Variants in OCIAD1 observed in about 807,000 individuals in gnomAD.
OCIAD1 encodes the protein OCIA domain-containing protein 1.
Under a neutral mutation model 38.9 loss-of-function variants are expected in OCIAD1, and 29 were observed. The ratio of observed to expected loss-of-function variants is 0.74; its 90% confidence interval spans 0.55 to 1.02. The LOEUF (loss-of-function observed/expected upper bound fraction) is 1.02. Among genes scored for constraint, OCIAD1 ranks in the 50% least tolerant of loss-of-function variants. The probability of loss-of-function intolerance (pLI) is 0.00; values close to 1 mark genes in which losing one functional copy is unlikely to be tolerated. For missense variants in OCIAD1, 288 were observed against 289.6 expected, an observed-to-expected ratio of 0.99 and a Z score of 0.04; for synonymous variants, 110 against 92.0, an observed-to-expected ratio of 1.20 and a Z score of -1.12.
intron 3 of OCIAD1, among the ~76,000 whole-genome samples, chr4:48,838,192 C>T (rs1303839324): frequency 1.3e-5 from 2 of 152,012 alleles, no homozygotes; most frequent in Non-Finnish European, 2.9e-5. Flanking sequence ...GTGGCAGGTG[C>T]CTGTAATTCC....
At chr4:48,821,792 C>T (rs1251371712) in intron 1 of OCIAD1, among the ~76,000 whole-genome samples, 1 of 152,164 alleles carries the variant, frequency 6.6e-6, no homozygotes, top group African/African-American at 2.4e-5. Context: ...CTCCCATTCA[C>T]AATTGCTACA....
At chr4:48,838,822 T>C (rs908236847) in intron 3 of OCIAD1, among the ~76,000 whole-genome samples, 5 of 152,234 alleles carry the variant, frequency 3.3e-5, no homozygotes, top group African/African-American at 1.2e-4. Flanking sequence ...GGGACCATTC[T>C]CTTTCCTTAA....
At chr4:48,848,141 A>C (rs1423853762) in intron 4 of OCIAD1, among the ~76,000 whole-genome samples, 1 of 152,018 alleles carries the variant, frequency 6.6e-6, no homozygotes, top group African/African-American at 2.4e-5. Context: ...TCATACACAC[A>C]CACATATATA....
At chr4:48,860,652 A>T in intron 8 of OCIAD1, 73 bp from the exon 9 acceptor site, 3 of 1,112,490 alleles carry the variant, frequency 2.7e-6, no homozygotes, top group Non-Finnish European at 4.1e-6. Flanking sequence ...TTTTCATCAT[A>T]GCAACAAACT....
intron 1 of OCIAD1, among the ~76,000 whole-genome samples, chr4:48,809,389 T>C (rs1777062709): frequency 6.6e-6 from 1 of 151,716 alleles, no homozygotes; most frequent in Admixed American, 6.6e-5. Context: ...CTGGGAGCGG[T>C]GGTGGGCGCC....
chr4:48,807,993 G>A (rs1204395991), intron 1 of OCIAD1, among the ~76,000 whole-genome samples: 1 of 152,132 alleles, frequency 6.6e-6, no homozygotes, highest in African/African-American at 2.4e-5. Context: ...CAAAATAAGA[G>A]GTGGATACTA....
chr4:48,859,428 T>A (rs1020130643), intron 8 of OCIAD1, among the ~76,000 whole-genome samples: 4 of 152,206 alleles, frequency 2.6e-5, no homozygotes, highest in Non-Finnish European at 5.9e-5. Context: ...ATTTTTGTAA[T>A]CTTTTCTATT....
chr4:48,809,247 C>T (rs577219349), intron 1 of OCIAD1, among the ~76,000 whole-genome samples: 297 of 152,246 alleles, frequency 2.0e-3, no homozygotes, highest in Non-Finnish European at 2.3e-3. Flanking sequence ...AAAGGCCAGG[C>T]GCGGTGGCTC....
At chr4:48,824,938 G>T (rs1777233743) in intron 1 of OCIAD1, among the ~76,000 whole-genome samples, 1 of 152,074 alleles carries the variant, frequency 6.6e-6, no homozygotes, top group Admixed American at 6.5e-5. Context: ...GTTTCACAAT[G>T]TTGCCCAGGT....
rs149900676 is a variant in OCIAD1, at chr4:48,832,652, C to A, written c.28C>A (p.Pro10Thr). The A allele has an allele frequency of 2.5e-6, 4 of 1,612,856 alleles. No individual in the cohort carries two copies. The African/African-American group carries it at 5.3e-5, about 22-fold the overall frequency. Residue 10 changes from proline (P) to threonine (T), a missense_variant, in exon 2 of 9, where the codon CCG (proline) becomes ACG (threonine). Transcript: ENST00000264312. ...GAATGGGAGGGCTGATTTTCGAGAG[C>A]CGAATGCAGAGGTTCCAAGACCAAT... MNGRADFRE[P>T]NAEVPRPIPH...
At chr4:48,815,260 C>G (rs1189649321) in intron 1 of OCIAD1, among the ~76,000 whole-genome samples, 1 of 152,130 alleles carries the variant, frequency 6.6e-6, no homozygotes, top group Non-Finnish European at 1.5e-5. Context: ...TTGCAGTGAT[C>G]TGAGGTCGCG....
At chr4:48,838,387 A>G (rs529052682) in intron 3 of OCIAD1, among the ~76,000 whole-genome samples, 4 of 152,266 alleles carry the variant, frequency 2.6e-5, no homozygotes, top group African/African-American at 4.8e-5. Flanking sequence ...ATTTTATACC[A>G]TATCTACATT....
At chr4:48,859,192 T>C (rs1287667307) in intron 8 of OCIAD1, among the ~76,000 whole-genome samples, 1 of 151,150 alleles carries the variant, frequency 6.6e-6, no homozygotes, top group Non-Finnish European at 1.5e-5. Context: ...ATAACAATGA[T>C]AGATAATATC....
chr4:48,821,691 C>G (rs1777196431), intron 1 of OCIAD1, among the ~76,000 whole-genome samples: 1 of 152,176 alleles, frequency 6.6e-6, no homozygotes, highest in African/African-American at 2.4e-5. Flanking sequence ...GCAACTTCAG[C>G]AAAGTGTCAG....
upstream of OCIAD1, among the ~76,000 whole-genome samples, chr4:48,829,067 G>C (rs1777285023): frequency 6.6e-6 from 1 of 152,096 alleles, no homozygotes; most frequent in Non-Finnish European, 1.5e-5. Flanking sequence ...TGGAGACCAG[G>C]CTGGTAAAGT....
chr4:48,831,472 G>T, intron 1 of OCIAD1: 1 of 1,289,558 alleles, frequency 7.8e-7, no homozygotes, highest in Non-Finnish European at 1.0e-6. Context: ...TGCGTGTGGG[G>T]TTGCTGCTCA....
At chr4:48,812,454 A>G (rs1777099868) in intron 1 of OCIAD1, among the ~76,000 whole-genome samples, 1 of 151,936 alleles carries the variant, frequency 6.6e-6, no homozygotes, top group South Asian at 2.1e-4. Flanking sequence ...TGGAAATCAG[A>G]AAGACAAGAA....
At chr4:48,823,898 C>T (rs1182911673) in intron 1 of OCIAD1, among the ~76,000 whole-genome samples, 3 of 132,672 alleles carry the variant, frequency 2.3e-5, no homozygotes, top group Non-Finnish European at 4.6e-5. Context: ...AACTCCTGGC[C>T]TCATGTGATC....
chr4:48,855,801 G>A (rs2109615378), intron 7 of OCIAD1, among the ~76,000 whole-genome samples: 1 of 149,652 alleles, frequency 6.7e-6, no homozygotes, highest in East Asian at 2.0e-4. Flanking sequence ...GGGTAACAGA[G>A]TGAGACTCTG....
Sources: gnomAD v4.1 joint callset for allele counts (sites outside exome capture counted in the v4.1 genomes callset) on GRCh38, gnomAD v4.1.1 for gene constraint, MANE v1.5 for transcripts, NCBI Gene and HGNC (gene_info 2026-07-23, HGNC 2026-07-21) for gene names.